Variants in TRERF1 observed in about 807,000 individuals in gnomAD.
TRERF1 encodes transcriptional regulating factor 1.
Under a neutral mutation model 122.9 loss-of-function variants are expected in TRERF1, and 27 were observed. The ratio of observed to expected loss-of-function variants is 0.22; its 90% CI spans 0.16 to 0.30. TRERF1 has a LOEUF of 0.30. TRERF1 is among the 10% of genes least tolerant of loss of function. The probability of loss-of-function intolerance (pLI) is 1.00; values close to 1 mark genes in which losing one functional copy is unlikely to be tolerated. For synonymous variants in TRERF1, 636 were observed against 641.7 expected, an observed-to-expected ratio of 0.99 and a Z score of 0.13; for missense variants, 1,248 against 1,560.3, an observed-to-expected ratio of 0.80 and a Z score of 3.37.
chr6:42,417,998 C>A (rs1782094783), intron 2 of TRERF1, among the ~76,000 whole-genome samples: 1 of 152,282 alleles, frequency 6.6e-6, no homozygotes, highest in Non-Finnish European at 1.5e-5. Flanking sequence ...GGGTTTAAAT[C>A]TTTTACTGCA....
chr6:42,421,675 G>A (rs1380289427), intron 2 of TRERF1, among the ~76,000 whole-genome samples: 3 of 152,130 alleles, frequency 2.0e-5, no homozygotes, highest in Non-Finnish European at 4.4e-5. Context: ...TCGGGAGGCT[G>A]AGGCAGGAGA....
intron 2 of TRERF1, among the ~76,000 whole-genome samples, chr6:42,428,766 A>C (rs1784028982): frequency 6.6e-6 from 1 of 152,240 alleles, no homozygotes; most frequent in Admixed American, 6.5e-5. Context: ...GAAAGGCCTG[A>C]GGATGGATTC....
chr6:42,239,712 A>ACACCCTCCCCAGGCG (rs1245183407), intron 15 of TRERF1, among the ~76,000 whole-genome samples: 1 of 151,594 alleles, frequency 6.6e-6, no homozygotes, highest in South Asian at 2.1e-4. Context: ...TGTGCCTTGC[A>ACACCCTCCCCAGGCG]CACCCTCCCC....
intron 2 of TRERF1, among the ~76,000 whole-genome samples, chr6:42,448,953 C>T (rs1788004723): frequency 6.6e-6 from 1 of 152,158 alleles, no homozygotes; most frequent in African/African-American, 2.4e-5. Flanking sequence ...CATAAACAAG[C>T]TTTATTTTTT....
intron 3 of TRERF1, among the ~76,000 whole-genome samples, chr6:42,303,866 G>GCACTC (rs1786662936): frequency 1.6e-5 from 2 of 127,768 alleles, no homozygotes; most frequent in Admixed American, 9.9e-5. Context: ...TCGCACCACT[G>GCACTC]CACTCCAGCC....
intron 3 of TRERF1, among the ~76,000 whole-genome samples, chr6:42,316,153 A>C (rs1336641470): frequency 6.6e-6 from 1 of 152,162 alleles, no homozygotes; most frequent in East Asian, 1.9e-4. Context: ...AAGAAAGTCC[A>C]TGGGTCTGGG....
intron 2 of TRERF1, among the ~76,000 whole-genome samples, chr6:42,366,276 T>C (rs1267626804): frequency 6.6e-6 from 1 of 152,240 alleles, no homozygotes; most frequent in Non-Finnish European, 1.5e-5. Context: ...TGCTTGCAAC[T>C]GCCCGCTGCT....
In TRERF1 at chr6:42,259,834, T is replaced by TA; in HGVS notation, c.1885-112_1885-111insT. 2.0e-6 allele frequency: 3 copies of TA among 1,466,022 alleles called. No homozygotes were observed. Among genetic ancestry groups the TA allele is most frequent in the Non-Finnish European group, 2.7e-6 (3 of 1,094,044 alleles). The allele number at this position is 1,466,022 out of a possible 1,614,324, so 90.8% of individuals were successfully genotyped here. A position where few individuals can be genotyped will look rare whatever the true frequency, so the allele number is the denominator to read the frequency against. On this transcript the variant is annotated intron_variant, in intron 8 of 17. Transcript: ENST00000372922. This position sits in a 1 kb window ranked among gnomAD's most constrained non-coding sequence, Gnocchi z 4.9. The stretch of plus-strand genomic sequence containing the variant: ...TGTCTAAGCAGAGAGCCCTTCTGCT[T>TA]GACCCCCCCACCCCCAACGCCCCCA...
At chr6:42,303,407 G>A (rs1337086144) in intron 3 of TRERF1, among the ~76,000 whole-genome samples, 1 of 152,190 alleles carries the variant, frequency 6.6e-6, no homozygotes, top group African/African-American at 2.4e-5. Flanking sequence ...TGAGCCCTAA[G>A]AATAAATTAC....
At chr6:42,229,765 G>A (rs946917203) in intron 17 of TRERF1, among the ~76,000 whole-genome samples, 1 of 152,204 alleles carries the variant, frequency 6.6e-6, no homozygotes, top group African/African-American at 2.4e-5. Flanking sequence ...CAGTGCTGAG[G>A]TTGAGAAACC....
At chr6:42,439,668 C>T (rs1296326717) in intron 2 of TRERF1, among the ~76,000 whole-genome samples, 2 of 152,194 alleles carry the variant, frequency 1.3e-5, no homozygotes, top group Admixed American at 1.3e-4. Context: ...GCCCATTCCG[C>T]CATGTGAGGA....
intron 2 of TRERF1, among the ~76,000 whole-genome samples, chr6:42,426,437 C>T (rs1339039114): frequency 1.3e-5 from 2 of 152,142 alleles, no homozygotes; most frequent in African/African-American, 2.4e-5. Context: ...TCACTAGAAC[C>T]TTTCTTCAGT....
intron 2 of TRERF1, among the ~76,000 whole-genome samples, chr6:42,382,853 T>G (rs1162459039): frequency 6.6e-6 from 1 of 152,022 alleles, no homozygotes; most frequent in Non-Finnish European, 1.5e-5. Context: ...GCCAGTAGGA[T>G]TCTCCTTCCT....
At chr6:42,347,937 T>C (rs1381863568) in intron 3 of TRERF1, among the ~76,000 whole-genome samples, 3 of 152,266 alleles carry the variant, frequency 2.0e-5, no homozygotes, top group Non-Finnish European at 2.9e-5. Flanking sequence ...AACAGGTATC[T>C]GTGATTTTTC....
intron 2 of TRERF1, among the ~76,000 whole-genome samples, chr6:42,426,921 T>C: frequency 6.6e-6 from 1 of 152,310 alleles, no homozygotes; most frequent in Non-Finnish European, 1.5e-5. Flanking sequence ...ACGAATGTAT[T>C]ATATACATTT....
intron 4 of TRERF1, among the ~76,000 whole-genome samples, chr6:42,274,752 A>G (rs1228804202): frequency 6.6e-6 from 1 of 152,208 alleles, no homozygotes; most frequent in Non-Finnish European, 1.5e-5. Context: ...AAAACACCAT[A>G]GGGAGATAAT....
chr6:42,392,123 C>A (rs767531633), intron 2 of TRERF1, among the ~76,000 whole-genome samples: 1 of 152,124 alleles, frequency 6.6e-6, no homozygotes, highest in Non-Finnish European at 1.5e-5. Flanking sequence ...CTGTCTTGCT[C>A]ATTGGAAGGA....
intron 4 of TRERF1, among the ~76,000 whole-genome samples, chr6:42,299,381 G>A (rs116164587): frequency 1.6e-3 from 249 of 152,238 alleles, no homozygotes; most frequent in African/African-American, 5.7e-3. Context: ...TTAAATGCAT[G>A]TAAAGATGGT....
At chr6:42,302,516 T>C (rs1786402491) in intron 3 of TRERF1, among the ~76,000 whole-genome samples, 1 of 152,246 alleles carries the variant, frequency 6.6e-6, no homozygotes, top group Admixed American at 6.5e-5. Flanking sequence ...CACTCTCAAC[T>C]CCCTGCTTCA....
Sources: gnomAD v4.1 joint callset for allele counts (sites outside exome capture counted in the v4.1 genomes callset) on GRCh38, gnomAD v4.1.1 for gene constraint, Gnocchi (gnomAD v3.1) non-coding constraint, MANE v1.5 for transcripts, NCBI Gene and HGNC (gene_info 2026-07-23, HGNC 2026-07-21) for gene names.